The following ADAM23 variants were observed in gnomAD, a reference collection of about 807,000 sequenced individuals.
ADAM23 encodes disintegrin and metalloproteinase domain-containing protein 23.
Under a neutral mutation model 120.1 loss-of-function variants are expected in ADAM23, and 33 were observed. That is an observed-to-expected ratio of 0.27 (90% CI 0.21 to 0.37). The LOEUF is 0.37. Ranked by LOEUF, ADAM23 falls within the 10% of genes least tolerant of loss-of-function variation. ADAM23 has a pLI of 1.00. For missense variants in ADAM23, 862 were observed against 1,058.2 expected (o/e 0.81, Z 2.57); for synonymous variants, 367 against 375.2 (o/e 0.98, Z 0.25).
intron 3 of ADAM23, among the ~76,000 whole-genome samples, chr2:206,508,997 A>G (rs1265536777): frequency 6.6e-6 from 1 of 152,252 alleles, no homozygotes; most frequent in Non-Finnish European, 1.5e-5. Flanking sequence ...ATCCCAAGTT[A>G]CTTGTTCATC....
chr2:206,532,553 A>G (rs1162498503), intron 4 of ADAM23, among the ~76,000 whole-genome samples: 2 of 152,156 alleles, frequency 1.3e-5, no homozygotes, highest in East Asian at 1.9e-4. Flanking sequence ...AACAGCTCAT[A>G]TACCCAAACT....
In ADAM23 at chr2:206,606,553, A is replaced by G. The variant is rs146331314; in HGVS notation, c.2360-3357A>G. On this transcript the variant is annotated intron_variant, in intron 24 of 25. Coordinates refer to ENST00000264377, the MANE Select transcript of ADAM23 (RefSeq NM_003812.4). ...GTATAACCATAAGTGAACAGCTGCA[A>G]ATCACCTGGTGGGTTCGTCTTAAAA... The G allele has an allele frequency of 4.1e-4, 62 of 152,324 alleles. No individual in the cohort carries two copies. In the East Asian group the frequency reaches 6.7e-3, roughly 17 times the overall value. 9.4% of individuals were successfully genotyped at this position (152,324 alleles called of 1,614,324 possible).
chr2:206,607,448 A>G (rs1574563833), intron 24 of ADAM23, among the ~76,000 whole-genome samples: 2 of 152,214 alleles, frequency 1.3e-5, no homozygotes, highest in African/African-American at 4.8e-5. Flanking sequence ...AACATTATAC[A>G]TTGGCTGTAA....
chr2:206,459,981 CT>C (rs1695381658), intron 2 of ADAM23, among the ~76,000 whole-genome samples: 1 of 152,200 alleles, frequency 6.6e-6, no homozygotes, highest in Non-Finnish European at 1.5e-5. Context: ...GATTTTGTCC[CT>C]CTCCTATCAC....
intron 15 of ADAM23, among the ~76,000 whole-genome samples, chr2:206,568,709 G>T (rs749759515): frequency 6.6e-6 from 1 of 152,162 alleles, no homozygotes. Context: ...GGCAAATTTC[G>T]TATTTCTTTT....
chr2:206,493,426 G>A (rs1253919015), intron 3 of ADAM23, among the ~76,000 whole-genome samples: 2 of 152,172 alleles, frequency 1.3e-5, no homozygotes, highest in Non-Finnish European at 2.9e-5. Flanking sequence ...AGGCTGGAGT[G>A]CAGTGGCGCG....
chr2:206,463,597 A>C (rs1695473943), intron 2 of ADAM23, among the ~76,000 whole-genome samples: 1 of 152,222 alleles, frequency 6.6e-6, no homozygotes, highest in East Asian at 1.9e-4. Context: ...GTCCTGGGGA[A>C]TAGTGCTGCT....
chr2:206,543,358 C>T (rs1164101143), intron 6 of ADAM23, 42 bp downstream of exon 6: 1 of 1,504,826 alleles, frequency 6.6e-7, no homozygotes, highest in South Asian at 1.1e-5. Context: ...TTCTACTCCT[C>T]CAGCAACTTT....
At chr2:206,561,850 A>G (rs1697774035) in intron 12 of ADAM23, among the ~76,000 whole-genome samples, 1 of 152,222 alleles carries the variant, frequency 6.6e-6, no homozygotes, top group African/African-American at 2.4e-5. Context: ...GGAGTATATT[A>G]TACCAGGTTA....
intron 4 of ADAM23, among the ~76,000 whole-genome samples, chr2:206,537,873 A>G (rs1697211210): frequency 6.6e-6 from 1 of 152,228 alleles, no homozygotes; most frequent in Non-Finnish European, 1.5e-5. Flanking sequence ...AAACAGAACT[A>G]TCCACACTAA....
chr2:206,471,447 A>G (rs1386389458), intron 2 of ADAM23, among the ~76,000 whole-genome samples: 1 of 152,202 alleles, frequency 6.6e-6, no homozygotes, highest in African/African-American at 2.4e-5. Flanking sequence ...CTAGGGAAGT[A>G]GGACTCCTTA....
At chr2:206,509,410 AAATTT>A (rs1423557712) in intron 3 of ADAM23, among the ~76,000 whole-genome samples, 1 of 152,108 alleles carries the variant, frequency 6.6e-6, no homozygotes, top group Non-Finnish European at 1.5e-5. Context: ...ATACAATATT[AAATTT>A]ATTTTTCAGG....
In ADAM23 at chr2:206,592,677, A is replaced by G. The variant is rs890592687; in HGVS notation, c.2019A>G (p.Gln673=). 8 of 1,613,940 alleles carry G rather than the reference A, an allele frequency of 5.0e-6. No individual in the cohort carries two copies. Among genetic ancestry groups the G allele is most frequent in the Non-Finnish European group, 6.8e-6 (8 of 1,179,970 alleles). ...TTACTCGAGCTCCACGTATTGGTCA[A>G]CTTCAGGGTGAGATCATTCCAACTT... ...TNLTRAPRIG[Q]LQGEIIPTSF... is the part of the protein sequence containing the mutation. The change falls in exon 22 of 26, where the codon CAA becomes CAG. Residue 673 remains glutamine (Q), a synonymous_variant. Transcript: ENST00000264377.
chr2:206,613,348 T>C (rs1435018834), intron 25 of ADAM23, among the ~76,000 whole-genome samples: 1 of 152,170 alleles, frequency 6.6e-6, no homozygotes, highest in Admixed American at 6.5e-5. Flanking sequence ...CATGAGCCAC[T>C]GTGCCCAGCC....
chr2:206,542,429 C>T (rs1351910288), intron 5 of ADAM23, among the ~76,000 whole-genome samples: 4 of 152,128 alleles, frequency 2.6e-5, no homozygotes, highest in East Asian at 1.9e-4. Flanking sequence ...GGTTTCCCAG[C>T]GGCATATTCC....
At chr2:206,497,545 C>G (rs1446001942) in intron 3 of ADAM23, among the ~76,000 whole-genome samples, 1 of 152,152 alleles carries the variant, frequency 6.6e-6, no homozygotes, top group African/African-American at 2.4e-5. Context: ...CAGCCAATAT[C>G]ATACTGAATG....
chr2:206,531,187 T>A (rs1574516562), intron 4 of ADAM23, among the ~76,000 whole-genome samples: 2 of 152,234 alleles, frequency 1.3e-5, no homozygotes, highest in African/African-American at 4.8e-5. Flanking sequence ...TTTGTGATAG[T>A]ATAAAGAGCT....
chr2:206,548,366 A>G lies in ADAM23; in HGVS notation c.867+12A>G, dbSNP rs141850817. ...AGAGAGCAGTGAATGTGAGTGTGGC[A>G]TTGAGCCTTGGGTGGGCCTATTTTA... is the stretch of plus-strand genomic sequence containing the variant. On this transcript the variant is annotated intron_variant, in intron 8 of 25. Coordinates refer to ENST00000264377, the MANE Select transcript of ADAM23 (RefSeq NM_003812.4). The G allele has an allele frequency of 3.7e-5, 60 of 1,605,934 alleles. No individual in the cohort carries two copies. Among genetic ancestry groups the G allele is most frequent in the Non-Finnish European group, 4.8e-5 (57 of 1,179,618 alleles).
chr2:206,514,631 C>G (rs767129479), intron 3 of ADAM23, among the ~76,000 whole-genome samples: 1 of 152,146 alleles, frequency 6.6e-6, no homozygotes, highest in African/African-American at 2.4e-5. Flanking sequence ...AGGATTGACT[C>G]CAATTTTGAA....
Sources: allele counts gnomAD v4.1 joint callset (sites outside exome capture counted in the v4.1 genomes callset), GRCh38; gene constraint gnomAD v4.1.1; transcripts MANE v1.5; gene names NCBI Gene and HGNC (gene_info 2026-07-23, HGNC 2026-07-21).